The following AFG1L variants were observed in gnomAD, a reference collection of about 807,000 sequenced individuals.
AFG1L encodes AFG1 like ATPase.
AFG1L carries 53 observed loss-of-function variants against 62.2 expected under a neutral mutation model. The ratio of observed to expected loss-of-function variants is 0.85; its 90% CI spans 0.68 to 1.07. The LOEUF (loss-of-function observed/expected upper bound fraction) is 1.07. AFG1L is among the 50% of genes least tolerant of loss of function. AFG1L has a pLI of 0.00. For missense variants in AFG1L, 555 were observed against 590.5 expected (o/e 0.94, Z 0.62); for synonymous variants, 228 against 210.3 (o/e 1.08, Z -0.73).
intron 5 of AFG1L, among the ~76,000 whole-genome samples, chr6:108,365,318 A>G (rs1282439341): frequency 6.6e-6 from 1 of 152,142 alleles, no homozygotes; most frequent in Non-Finnish European, 1.5e-5. Flanking sequence ...GCCTTTAGAA[A>G]AAGTTACATC....
intron 8 of AFG1L, among the ~76,000 whole-genome samples, chr6:108,469,275 G>A (rs1772794171): frequency 6.6e-6 from 1 of 152,130 alleles, no homozygotes; most frequent in South Asian, 2.1e-4. Flanking sequence ...TCCTGGGATA[G>A]AAGTTTTGCT....
chr6:108,376,568 G>A (rs541832752), intron 6 of AFG1L, among the ~76,000 whole-genome samples: 38 of 152,136 alleles, frequency 2.5e-4, no homozygotes, highest in African/African-American at 8.2e-4. Flanking sequence ...ATGTAATTGT[G>A]TGGTTTTGAG....
chr6:108,327,679 A>G (rs1217091769), intron 2 of AFG1L, among the ~76,000 whole-genome samples: 3 of 152,142 alleles, frequency 2.0e-5, no homozygotes, highest in Non-Finnish European at 2.9e-5. Flanking sequence ...ACTTCAACAT[A>G]TGAATTTTGG....
chr6:108,368,472 A>G (rs1779852355), intron 6 of AFG1L, among the ~76,000 whole-genome samples: 1 of 152,220 alleles, frequency 6.6e-6, no homozygotes, highest in South Asian at 2.1e-4. Flanking sequence ...TTGTACTACA[A>G]AAGAATTATG....
chr6:108,512,898 G>C lies in AFG1L; in HGVS notation c.1203+2546G>C, dbSNP rs367622503. Among the ~76,000 whole-genome samples the C allele has an allele frequency of 1.4e-4, 22 of 152,216 alleles. No individual in the cohort carries two copies. In the East Asian group the frequency reaches 3.5e-3, roughly 24 times the overall value. On this transcript the variant is annotated intron_variant, in intron 11 of 12. Transcript: ENST00000368977. ...CATTATTCTAGAATGTATTCATGGA[G>C]ATTTGTGACAGAAGGATATACCCAT...
intron 5 of AFG1L, among the ~76,000 whole-genome samples, chr6:108,362,743 A>G (rs1402493519): frequency 6.6e-6 from 1 of 152,234 alleles, no homozygotes. Flanking sequence ...CTTGTTTACC[A>G]GTAACAGCTA....
intron 6 of AFG1L, among the ~76,000 whole-genome samples, chr6:108,375,503 G>A (rs1241442059): frequency 3.3e-5 from 5 of 151,958 alleles, no homozygotes. Flanking sequence ...TGTTCCTGCG[G>A]TGTCTAGTTT....
chr6:108,522,379 T>G lies in AFG1L; in HGVS notation c.1400T>G (p.Met467Arg). Residue 467 changes from methionine to arginine, a missense_variant, in exon 13 of 13, where the codon ATG becomes AGG. Met to Arg is a moderately conservative substitution (Grantham distance 91, BLOSUM62 -1). Transcript: ENST00000368977. Reference sequence around the variant, plus strand: ...CGCACAATTTCCCGACTCACGGAAATGCAGACTGAACAGTACTGGAATGAA... The same window carrying G: ...CGCACAATTTCCCGACTCACGGAAAGGCAGACTGAACAGTACTGGAATGAA... ...FQRTISRLTE[M>R]QTEQYWNEGD... is the part of the protein sequence containing the mutation. 6.2e-7 allele frequency: 1 copy of G among 1,614,076 alleles called. No homozygotes were observed. The highest frequency in any genetic ancestry group is 8.5e-7 in the Non-Finnish European group (1 of 1,179,984).
chr6:108,490,848 C>T (rs1243806412), intron 10 of AFG1L, among the ~76,000 whole-genome samples: 1 of 152,160 alleles, frequency 6.6e-6, no homozygotes, highest in Non-Finnish European at 1.5e-5. Flanking sequence ...GAAAACCCAC[C>T]TTCTCTAAGA....
At chr6:108,452,536 T>C (rs1772098505) in intron 8 of AFG1L, among the ~76,000 whole-genome samples, 1 of 152,102 alleles carries the variant, frequency 6.6e-6, no homozygotes, top group African/African-American at 2.4e-5. Flanking sequence ...TGCCGTAACC[T>C]CAAGAGAAGT....
intron 1 of AFG1L, among the ~76,000 whole-genome samples, chr6:108,323,374 T>A (rs1240409593): frequency 1.3e-5 from 2 of 152,174 alleles, no homozygotes; most frequent in African/African-American, 2.4e-5. Context: ...TTTAATTATT[T>A]TTTTTTTGAG....
rs151115996 is a variant in AFG1L at position 108,408,243 on chromosome 6, G to T, written c.807+6189G>T. ...GAATGTAGATTAGCCATTATTCCAG[G>T]TCTGTTTTAGCCCTTCTAGGTGTTA... On this transcript the variant is annotated intron_variant, in intron 7 of 12. Transcript: ENST00000368977. Among the ~76,000 whole-genome samples, 15 of 151,856 alleles carry T rather than the reference G, an allele frequency of 9.9e-5. 1 individual carries two copies. In the East Asian group the frequency reaches 2.7e-3, roughly 28 times the overall value.
chr6:108,399,756 T>G (rs1582518917), intron 6 of AFG1L, among the ~76,000 whole-genome samples: 1 of 133,008 alleles, frequency 7.5e-6, no homozygotes, highest in Non-Finnish European at 1.6e-5. Flanking sequence ...GGGTGGGGTG[T>G]GGAAGTATCT....
intron 1 of AFG1L, among the ~76,000 whole-genome samples, chr6:108,312,107 C>T (rs573313571): frequency 2.4e-4 from 37 of 152,286 alleles, no homozygotes; most frequent in South Asian, 8.3e-4. Flanking sequence ...TCAGAGGATC[C>T]GCCTGCCTTG....
rs1158519213 is a variant in AFG1L at position 108,394,052 on chromosome 6, CCCT to C, written c.749-7937_749-7935del. On this transcript the variant is annotated intron_variant, in intron 6 of 12. Coordinates refer to ENST00000368977, the MANE Select transcript of AFG1L (RefSeq NM_145315.5). Reference sequence around the variant, plus strand: ...CGCCTTCCCCTTCCCTTCCCTCCCTCCCTCCTCCTTTCCTTTCCTTCCTTTTCT... The same window carrying C: ...CGCCTTCCCCTTCCCTTCCCTCCCTCCCTCCTTTCCTTTCCTTCCTTTTCT... 2.7e-5 allele frequency among the ~76,000 whole-genome samples: 4 copies of C among 147,676 alleles called. No individual in the cohort carries two copies. In the Admixed American group the frequency reaches 2.7e-4, roughly 10 times the overall value.
chr6:108,430,177 A>G (rs1368827583), intron 7 of AFG1L, among the ~76,000 whole-genome samples: 1 of 152,048 alleles, frequency 6.6e-6, no homozygotes, highest in Non-Finnish European at 1.5e-5. Context: ...CAAACTCCTG[A>G]CCTCAAATGT....
rs569571927 is a variant in AFG1L, at chr6:108,414,877, C to T, written c.807+12823C>T. On this transcript the variant is annotated intron_variant, in intron 7 of 12. Transcript: ENST00000368977. ...AACTGGCACAAGACAGGGATGCCCTCTCTCACCACTTCTATTCAACATAGT... is the reference window on the plus strand; with the variant it reads ...AACTGGCACAAGACAGGGATGCCCTTTCTCACCACTTCTATTCAACATAGT... Among the ~76,000 whole-genome samples the T allele has an allele frequency of 7.2e-5, 11 of 152,320 alleles. No individual in the cohort carries two copies. The East Asian group carries it at 2.1e-3, about 29-fold the overall frequency.
At chr6:108,416,795 G>GTAT (rs1367582669) in intron 7 of AFG1L, among the ~76,000 whole-genome samples, 2 of 151,946 alleles carry the variant, frequency 1.3e-5, no homozygotes, top group African/African-American at 4.8e-5. Flanking sequence ...GAGAGGGGAG[G>GTAT]GATAGCATTA....
intron 7 of AFG1L, among the ~76,000 whole-genome samples, chr6:108,413,932 A>G (rs1451903767): frequency 6.6e-6 from 1 of 152,202 alleles, no homozygotes; most frequent in Non-Finnish European, 1.5e-5. Flanking sequence ...GCAGAACTGA[A>G]GGAGATAGAG....
Sources: allele counts gnomAD v4.1 joint callset (sites outside exome capture counted in the v4.1 genomes callset), GRCh38; gene constraint gnomAD v4.1.1; transcripts MANE v1.5; gene names NCBI Gene and HGNC (gene_info 2026-07-23, HGNC 2026-07-21).